SMYD3: variants seen among roughly 807,000 people sequenced by gnomAD.
SMYD3 encodes histone-lysine N-methyltransferase SMYD3.
A neutral mutation model predicts 57.7 loss-of-function variants in SMYD3; 36 were observed. That is an observed-to-expected ratio of 0.62 (90% CI 0.48 to 0.82). The LOEUF (loss-of-function observed/expected upper bound fraction) is 0.82. SMYD3 is among the 40% of genes least tolerant of loss of function. The pLI is 0.00. For synonymous variants in SMYD3, 211 were observed against 195.0 expected (o/e 1.08, Z -0.68); for missense variants, 515 against 538.8 (o/e 0.96, Z 0.44).
At chr1:246,193,272 G>A (rs1177558837) in intron 5 of SMYD3, among the ~76,000 whole-genome samples, 1 of 152,170 alleles carries the variant, frequency 6.6e-6, no homozygotes, top group Non-Finnish European at 1.5e-5. Context: ...AAGTAAGGAA[G>A]AAGAGATTGG....
intron 5 of SMYD3, among the ~76,000 whole-genome samples, chr1:246,027,933 T>C (rs1263573697): frequency 1.3e-5 from 2 of 152,168 alleles, no homozygotes; most frequent in Non-Finnish European, 2.9e-5. Flanking sequence ...TCATACTTCA[T>C]AGAAGGAGAT....
At chr1:246,272,143 CTTTG>C (rs778928578) in intron 5 of SMYD3, among the ~76,000 whole-genome samples, 181 of 152,246 alleles carry the variant, frequency 1.2e-3, no homozygotes, top group Non-Finnish European at 1.6e-3. Flanking sequence ...TGCCCCAATA[CTTTG>C]TTTAATTCAG....
intron 1 of SMYD3, among the ~76,000 whole-genome samples, chr1:246,475,764 A>G (rs1218633563): frequency 6.9e-6 from 1 of 145,460 alleles, no homozygotes; most frequent in Non-Finnish European, 1.5e-5. Flanking sequence ...ACAGGCATGC[A>G]CCAACACACC....
intron 5 of SMYD3, among the ~76,000 whole-genome samples, chr1:245,939,338 T>C (rs918217486): frequency 2.6e-5 from 4 of 151,126 alleles, no homozygotes; most frequent in African/African-American, 7.4e-5. Flanking sequence ...TTTAAAAAGA[T>C]AGACAGGCCA....
intron 10 of SMYD3, among the ~76,000 whole-genome samples, chr1:245,826,850 A>G (rs1242519353): frequency 3.5e-4 from 5 of 14,094 alleles, no homozygotes; most frequent in Non-Finnish European, 1.1e-3. Context: ...ATCAGATCTC[A>G]AGAGAACTCA....
intron 5 of SMYD3, among the ~76,000 whole-genome samples, chr1:246,059,040 A>G (rs2060205104): frequency 6.6e-6 from 1 of 152,044 alleles, no homozygotes; most frequent in Admixed American, 6.6e-5. Context: ...ATGCCCGGCT[A>G]AATTTTTTTG....
rs556766668 is a variant in SMYD3, at chr1:246,324,309, G to A, written c.531+2892C>T. Reference sequence around the variant, plus strand: ...AGGCGCCTGTAATCCCAGCTCCTTGGGAGGCTGAGGCAGCAGAATCGCTTG... The same window carrying A: ...AGGCGCCTGTAATCCCAGCTCCTTGAGAGGCTGAGGCAGCAGAATCGCTTG... On this transcript the variant is annotated intron_variant, in intron 5 of 11. Coordinates refer to ENST00000490107, the MANE Select transcript of SMYD3 (RefSeq NM_001167740.2). Among the ~76,000 whole-genome samples, 202 of 151,842 alleles carry A rather than the reference G, an allele frequency of 1.3e-3. 1 individual carries two copies. The highest frequency in any genetic ancestry group is 2.1e-3 in the Admixed American group (32 of 15,266).
chr1:246,218,316 G>A (rs1164028765), intron 5 of SMYD3, among the ~76,000 whole-genome samples: 1 of 152,036 alleles, frequency 6.6e-6, no homozygotes, highest in Non-Finnish European at 1.5e-5. Flanking sequence ...AGAAGCAGTT[G>A]TGCAGCTTTA....
chr1:246,111,127 C>G (rs553958051), intron 5 of SMYD3, among the ~76,000 whole-genome samples: 9 of 152,150 alleles, frequency 5.9e-5, no homozygotes, highest in Non-Finnish European at 1.0e-4. Context: ...ATGATAGAAA[C>G]ATGCCGTGGG....
intron 10 of SMYD3, among the ~76,000 whole-genome samples, chr1:245,844,605 C>CTT (rs34767057): frequency 0.5 from 73,162 of 147,652 alleles, 19,251 homozygotes; most frequent in Middle Eastern, 0.67. Context: ...TCCTTGGTTT[C>CTT]TTTTTTTTTT....
intron 5 of SMYD3, among the ~76,000 whole-genome samples, chr1:246,281,400 TCACATTTACCCTA>T (rs1198204063): frequency 6.6e-6 from 1 of 152,218 alleles, no homozygotes; most frequent in African/African-American, 2.4e-5. Flanking sequence ...CCACACACTA[TCACATTTACCCTA>T]CTCAGTAACT....
At chr1:246,103,361 C>T (rs957417918) in intron 5 of SMYD3, among the ~76,000 whole-genome samples, 37 of 152,038 alleles carry the variant, frequency 2.4e-4, no homozygotes, top group Non-Finnish European at 4.4e-5. Flanking sequence ...GCTTCTCTCT[C>T]CTCTTGGATG....
chr1:245,768,513 G>T (rs1232444296), intron 10 of SMYD3, among the ~76,000 whole-genome samples: 1 of 152,172 alleles, frequency 6.6e-6, no homozygotes, highest in African/African-American at 2.4e-5. Context: ...GTTACAGATG[G>T]CAGCTTTGGC....
intron 1 of SMYD3, among the ~76,000 whole-genome samples, chr1:246,465,461 C>T (rs929814944): frequency 4.6e-5 from 7 of 152,190 alleles, no homozygotes; most frequent in African/African-American, 1.7e-4. Context: ...AATAACTCCT[C>T]GATGATGCAG....
intron 10 of SMYD3, among the ~76,000 whole-genome samples, chr1:245,846,063 T>C (rs939572124): frequency 6.6e-6 from 1 of 152,146 alleles, no homozygotes; most frequent in Non-Finnish European, 1.5e-5. Context: ...GAACTTTTTC[T>C]TTTGTTATAC....
chr1:245,981,425 A>C (rs985635887), intron 5 of SMYD3, among the ~76,000 whole-genome samples: 2 of 152,266 alleles, frequency 1.3e-5, no homozygotes, highest in African/African-American at 4.8e-5. Flanking sequence ...TTGAGCTGTC[A>C]GGACAGATTA....
At chr1:245,772,767 T>C (rs1327946598) in intron 10 of SMYD3, among the ~76,000 whole-genome samples, 1 of 152,156 alleles carries the variant, frequency 6.6e-6, no homozygotes, top group Non-Finnish European at 1.5e-5. Flanking sequence ...TTTAATCAGA[T>C]AAGAATAAAA....
intron 5 of SMYD3, among the ~76,000 whole-genome samples, chr1:245,988,225 C>T (rs935951393): frequency 1.3e-5 from 2 of 152,150 alleles, no homozygotes; most frequent in African/African-American, 4.8e-5. Context: ...CCAAATGGAG[C>T]TGTAGCTGCC....
At chr1:246,201,896 C>T (rs1026693993) in intron 5 of SMYD3, among the ~76,000 whole-genome samples, 1 of 151,652 alleles carries the variant, frequency 6.6e-6, no homozygotes, top group Non-Finnish European at 1.5e-5. Flanking sequence ...GCCTATAATC[C>T]CAGCTACTCA....
Sources: gnomAD v4.1 joint callset for allele counts (sites outside exome capture counted in the v4.1 genomes callset) on GRCh38, gnomAD v4.1.1 for gene constraint, MANE v1.5 for transcripts, NCBI Gene and HGNC (gene_info 2026-07-23, HGNC 2026-07-21) for gene names.